Variants in MYO16 observed in about 807,000 individuals in gnomAD.
MYO16 encodes unconventional myosin-XVI.
Under a neutral mutation model 205.3 loss-of-function variants are expected in MYO16, and 94 were observed. That is an observed-to-expected ratio of 0.46 (90% CI 0.39 to 0.54). MYO16 has a LOEUF of 0.54. MYO16 is among the 20% of genes least tolerant of loss of function. The pLI is 0.00. For synonymous variants in MYO16, 988 were observed against 954.0 expected, an observed-to-expected ratio of 1.04 and a Z score of -0.66; for missense variants, 2,315 against 2,387.5, an observed-to-expected ratio of 0.97 and a Z score of 0.63.
chr13:108,940,013 G>A (rs545506223), intron 16 of MYO16, among the ~76,000 whole-genome samples: 2 of 152,218 alleles, frequency 1.3e-5, no homozygotes, highest in African/African-American at 4.8e-5. Flanking sequence ...ATGCAATAAT[G>A]ACTGATTATT....
chr13:108,802,689 A>G (rs569605809), intron 6 of MYO16, among the ~76,000 whole-genome samples: 5 of 152,162 alleles, frequency 3.3e-5, no homozygotes, highest in Non-Finnish European at 7.3e-5. Context: ...TTACATTTCT[A>G]CCAGTAACAT....
chr13:109,027,264 C>G (rs1212342175), intron 23 of MYO16, among the ~76,000 whole-genome samples: 1 of 152,166 alleles, frequency 6.6e-6, no homozygotes, highest in Admixed American at 6.5e-5. Context: ...GTGTTCTCTC[C>G]TCTTCTCACA....
At chr13:108,669,375 G>A (rs116037213) in intron 2 of MYO16, among the ~76,000 whole-genome samples, 1,632 of 152,166 alleles carry the variant, frequency 0.011, 31 homozygotes, top group African/African-American at 0.037. Flanking sequence ...AATGGATTAG[G>A]TTCTGTACAG....
At chr13:109,136,484 C>T (rs979968516) in intron 31 of MYO16, among the ~76,000 whole-genome samples, 2 of 152,138 alleles carry the variant, frequency 1.3e-5, no homozygotes, top group African/African-American at 4.8e-5. Context: ...GTTCTTGTTC[C>T]TTTATAGTGA....
chr13:108,795,546 G>A (rs1274270972), intron 6 of MYO16, among the ~76,000 whole-genome samples: 1 of 152,058 alleles, frequency 6.6e-6, no homozygotes, highest in African/African-American at 2.4e-5. Flanking sequence ...CCTAAATTTT[G>A]TCTTCCAAAA....
At chr13:109,052,614 T>A in intron 25 of MYO16, 139 bp downstream of exon 25, 1 of 663,178 alleles carries the variant, frequency 1.5e-6, no homozygotes, top group Non-Finnish European at 2.5e-6. Context: ...AAAGAATGCC[T>A]ATCTGATGTA....
chr13:108,843,022 T>G (rs61970402), intron 9 of MYO16, among the ~76,000 whole-genome samples: 5,649 of 152,160 alleles, frequency 0.037, 157 homozygotes, highest in South Asian at 0.089. Flanking sequence ...TACATGATCT[T>G]GCTTATGTGT....
intron 21 of MYO16, among the ~76,000 whole-genome samples, chr13:109,007,173 G>T (rs543810566): frequency 6.6e-6 from 1 of 152,134 alleles, no homozygotes; most frequent in Non-Finnish European, 1.5e-5. Context: ...TGGATCACGA[G>T]GTCAGGAGAT....
Position 108,760,020 on chromosome 13 carries a change from G to A in MYO16, c.508-25615G>A, listed in dbSNP as rs1215051300. On this transcript the variant is annotated intron_variant, in intron 4 of 34. Transcript: ENST00000457511. Reference sequence around the variant, plus strand: ...GTGTAATGATCAGATCAGGGTAACTGGGGTATCTGTCACCTCAAACATTTA... The same window carrying A: ...GTGTAATGATCAGATCAGGGTAACTAGGGTATCTGTCACCTCAAACATTTA... Among the ~76,000 whole-genome samples, 3 of 152,288 alleles carry A rather than the reference G, an allele frequency of 2.0e-5. No homozygotes were observed. The East Asian group carries it at 5.8e-4, about 29-fold the overall frequency.
chr13:108,674,060 T>C (rs946196138), intron 2 of MYO16, among the ~76,000 whole-genome samples: 5 of 152,210 alleles, frequency 3.3e-5, no homozygotes, highest in African/African-American at 1.2e-4. Flanking sequence ...CGATGATCAA[T>C]ATACATTGAA....
rs115432261 is a variant in MYO16, at chr13:108,702,989, A to C, written c.293-9672A>C. Reference sequence around the variant, plus strand: ...GACATGTAAATTAGTACCTGTTTACACAAAAGAAGGCAGCAATGGGGGCAT... The same window carrying C: ...GACATGTAAATTAGTACCTGTTTACCCAAAAGAAGGCAGCAATGGGGGCAT... On this transcript the variant is annotated intron_variant, in intron 2 of 34. Transcript: ENST00000457511. Among the ~76,000 whole-genome samples the C allele has an allele frequency of 3.3e-3, 497 of 152,308 alleles. 4 individuals carry two copies. Among genetic ancestry groups the C allele is most frequent in the African/African-American group, 0.011 (453 of 41,578 alleles).
chr13:108,957,110 G>T (rs1594424727), intron 16 of MYO16, among the ~76,000 whole-genome samples: 2 of 152,140 alleles, frequency 1.3e-5, no homozygotes, highest in African/African-American at 2.4e-5. Flanking sequence ...TCACGGCCAG[G>T]TGCGGTGGCT....
rs920157353 is a variant in MYO16, at chr13:108,674,656, A to C, written c.292+8507A>C. Among the ~76,000 whole-genome samples the C allele has an allele frequency of 2.0e-5, 3 of 152,190 alleles. No homozygotes were observed. The East Asian group carries it at 5.8e-4, about 29-fold the overall frequency. On this transcript the variant is annotated intron_variant, in intron 2 of 34. Transcript: ENST00000457511. ...ATCCGTCAAATCTACTAGGAACATG[A>C]CCAAGCCTGGATCCATATACGCATT...
At chr13:108,547,359 C>A in the MYO16 span, among the ~76,000 whole-genome samples, 2 of 151,724 alleles carry the variant, frequency 1.3e-5, no homozygotes, top group Admixed American at 6.6e-5. Flanking sequence ...AAGCAGTGTG[C>A]ACAAATAATG....
chr13:108,698,228 T>A (rs1033183741), intron 2 of MYO16, among the ~76,000 whole-genome samples: 1 of 152,322 alleles, frequency 6.6e-6, no homozygotes, highest in East Asian at 1.9e-4. Context: ...CTCAGTGGTA[T>A]TCAGAGAATA....
chr13:108,851,199 A>G (rs775481825), intron 10 of MYO16, among the ~76,000 whole-genome samples: 1 of 152,128 alleles, frequency 6.6e-6, no homozygotes, highest in Admixed American at 6.5e-5. Context: ...TTCTTTTTGC[A>G]TTACTCAAAG....
chr13:108,574,077 T>C, the MYO16 span, among the ~76,000 whole-genome samples: 1 of 152,170 alleles, frequency 6.6e-6, no homozygotes, highest in Non-Finnish European at 1.5e-5. Context: ...GGTCTCAAAC[T>C]TCTGGGTTCA....
intron 20 of MYO16, 101 bp from the exon 21 acceptor site, chr13:108,992,275 A>G (rs1884861017): frequency 2.9e-6 from 2 of 680,848 alleles, no homozygotes; most frequent in Admixed American, 3.1e-5. Flanking sequence ...ATTGGCAGCA[A>G]TGTGCTAAGT....
intron 2 of MYO16, among the ~76,000 whole-genome samples, chr13:108,675,537 C>T (rs959421075): frequency 6.6e-6 from 1 of 152,076 alleles, no homozygotes; most frequent in Non-Finnish European, 1.5e-5. Context: ...TCACAACTTT[C>T]ATAGGTGTTG....
Sources: allele counts gnomAD v4.1 joint callset (sites outside exome capture counted in the v4.1 genomes callset), GRCh38; gene constraint gnomAD v4.1.1; transcripts MANE v1.5; gene names NCBI Gene and HGNC (gene_info 2026-07-23, HGNC 2026-07-21).